TSPAN11: variants seen among roughly 807,000 people sequenced by gnomAD.
TSPAN11 encodes the protein tetraspanin-11.
In TSPAN11, 29 loss-of-function variants were observed where a neutral mutation model predicts 32.9. The ratio of observed to expected loss-of-function variants is 0.88; its 90% confidence interval spans 0.66 to 1.20. TSPAN11 has a LOEUF of 1.20. TSPAN11 is among the 50% of genes most tolerant of loss of function. The probability of loss-of-function intolerance (pLI) is 0.00; values close to 1 mark genes in which losing one functional copy is unlikely to be tolerated. For missense variants in TSPAN11, 283 were observed against 329.1 expected (o/e 0.86, Z 1.08); for synonymous variants, 140 against 141.3 (o/e 0.99, Z 0.07).
chr12:30,927,585 T>C (rs1937827984), intron 1 of TSPAN11, among the ~76,000 whole-genome samples: 1 of 135,576 alleles, frequency 7.4e-6, no homozygotes, highest in Non-Finnish European at 1.6e-5. Context: ...GAGGTGAGCG[T>C]GGGGGTGGGG....
At chr12:30,945,730 A>G (rs1938252626) in intron 1 of TSPAN11, among the ~76,000 whole-genome samples, 2 of 152,060 alleles carry the variant, frequency 1.3e-5, no homozygotes, top group Admixed American at 1.3e-4. Context: ...CTCACAGCCC[A>G]TGACATTACA....
rs1939112568 is a variant in TSPAN11 at position 30,982,540 on chromosome 12, CTGT to C, written c.466_468del (p.Cys156del). 6.2e-7 allele frequency: 1 copy of C among 1,607,504 alleles called. No homozygotes were observed. Among genetic ancestry groups the C allele is most frequent in the Non-Finnish European group, 8.5e-7 (1 of 1,175,266 alleles). ...TCTGCCTCTGCCTCCAGTTCAAGTGCTGTGGAAGCAACAGCTCAGCCGACTGGC... is the reference window on the plus strand; with the variant it reads ...TCTGCCTCTGCCTCCAGTTCAAGTGCGGAAGCAACAGCTCAGCCGACTGGC... On this transcript the variant is annotated inframe_deletion, in exon 6 of 8. Transcript: ENST00000546076.
At chr12:30,978,672 T>C in intron 4 of TSPAN11, 37 bp downstream of exon 4, 1 of 1,606,512 alleles carries the variant, frequency 6.2e-7, no homozygotes, top group Non-Finnish European at 8.5e-7. Flanking sequence ...CCTCTGTCAG[T>C]GTCCTGAAGA....
At chr12:30,944,996 C>G (rs746145661) in intron 1 of TSPAN11, among the ~76,000 whole-genome samples, 2 of 152,160 alleles carry the variant, frequency 1.3e-5, no homozygotes, top group Non-Finnish European at 2.9e-5. Context: ...CCAGACTGTT[C>G]CAGGCCCTAA....
At chr12:31,004,146 G>A in the TSPAN11 span, among the ~76,000 whole-genome samples, 7 of 152,320 alleles carry the variant, frequency 4.6e-5, no homozygotes, top group East Asian at 1.3e-3. Flanking sequence ...ATCCTGGCTA[G>A]TGGATAACCT....
chr12:30,987,479 C>T (rs1477788049), intron 7 of TSPAN11, among the ~76,000 whole-genome samples: 5 of 152,092 alleles, frequency 3.3e-5, no homozygotes, highest in Admixed American at 6.6e-5. Context: ...TGGAGGCGCG[C>T]GCCTGTAATC....
At chr12:30,981,202 G>A (rs1425215946) in intron 5 of TSPAN11, among the ~76,000 whole-genome samples, 1 of 152,182 alleles carries the variant, frequency 6.6e-6, no homozygotes, top group Non-Finnish European at 1.5e-5. Context: ...TAGAACCCCA[G>A]GCCACATCTC....
intron 3 of TSPAN11, among the ~76,000 whole-genome samples, chr12:30,974,049 T>A (rs1473431572): frequency 1.3e-5 from 2 of 152,248 alleles, no homozygotes; most frequent in East Asian, 3.8e-4. Flanking sequence ...TGAAGCAATA[T>A]AGGCTTCCCT....
the TSPAN11 span, among the ~76,000 whole-genome samples, chr12:31,010,242 C>CGG: frequency 6.6e-6 from 1 of 152,164 alleles, no homozygotes; most frequent in Non-Finnish European, 1.5e-5. Flanking sequence ...TCAGGGACCC[C>CGG]GGGGTCAAAT....
At chr12:30,962,541 A>G (rs527515858) in intron 2 of TSPAN11, among the ~76,000 whole-genome samples, 2 of 152,318 alleles carry the variant, frequency 1.3e-5, no homozygotes, top group African/African-American at 4.8e-5. Flanking sequence ...TGGTAAATAC[A>G]TGTTCGTTTG....
At chr12:30,963,182 C>G (rs1938647852) in intron 2 of TSPAN11, among the ~76,000 whole-genome samples, 1 of 152,190 alleles carries the variant, frequency 6.6e-6, no homozygotes, top group Non-Finnish European at 1.5e-5. Context: ...ACTCTTCAAT[C>G]ATGGAGGCAG....
Position 30,934,184 on chromosome 12 carries a change from G to T in TSPAN11, c.-12+7388G>T, listed in dbSNP as rs1203178064. On this transcript the variant is annotated intron_variant, in intron 1 of 7. Coordinates refer to ENST00000546076, the MANE Select transcript of TSPAN11 (RefSeq NM_001370302.1). ...GGGTGGGCCAGGCCCAGGTGGACAG[G>T]GGTGACCGGGAAGACCCACTTCAGA... 5.3e-5 allele frequency among the ~76,000 whole-genome samples: 8 copies of T among 152,222 alleles called. No individual in the cohort carries two copies. The East Asian group carries it at 1.5e-3, about 29-fold the overall frequency.
chr12:30,983,277 CTCT>C (rs1248342376), intron 7 of TSPAN11, 127 bp downstream of exon 7: 13 of 852,836 alleles, frequency 1.5e-5, no homozygotes, highest in African/African-American at 3.4e-5. Flanking sequence ...CTACCCTGCT[CTCT>C]TCTTCTCTCC....
At chr12:30,945,761 C>T (rs1451977645) in intron 1 of TSPAN11, among the ~76,000 whole-genome samples, 2 of 152,118 alleles carry the variant, frequency 1.3e-5, no homozygotes, top group African/African-American at 2.4e-5. Flanking sequence ...TGAAGAAAGT[C>T]GCCAAAATCC....
In TSPAN11 at chr12:30,975,865, A is replaced by T. The variant is rs1938959448; in HGVS notation, c.277-2696A>T. ...GGGCACTCCATCACCTCTTCCTCCC[A>T]TGCCCCAGAGGTCTCTGGGAGCCAC... On this transcript the variant is annotated intron_variant, in intron 3 of 7. Coordinates refer to ENST00000546076, the MANE Select transcript of TSPAN11 (RefSeq NM_001370302.1). This position sits in a 1 kb window ranked among gnomAD's most constrained non-coding sequence, Gnocchi z 4.5. Among the ~76,000 whole-genome samples, 1 of 152,130 alleles carries T rather than the reference A, an allele frequency of 6.6e-6. No homozygotes were observed. The highest frequency in any genetic ancestry group is 1.5e-5 in the Non-Finnish European group (1 of 68,014).
At chr12:31,012,924 T>C in the TSPAN11 span, among the ~76,000 whole-genome samples, 1 of 152,224 alleles carries the variant, frequency 6.6e-6, no homozygotes, top group Admixed American at 6.5e-5. Flanking sequence ...CATCTTAACA[T>C]GAATTTCTTG....
Position 30,975,950 on chromosome 12 carries a change from G to A in TSPAN11, c.277-2611G>A, listed in dbSNP as rs1416379414. On this transcript the variant is annotated intron_variant, in intron 3 of 7. Transcript: ENST00000546076. This position sits in a 1 kb window ranked among gnomAD's most constrained non-coding sequence, Gnocchi z 4.5. ...GGGATCCGGCCTCAGCACCGTAGCTGAGGATGGTGGAGGGAAGTTTGGAGC... is the reference window on the plus strand; with the variant it reads ...GGGATCCGGCCTCAGCACCGTAGCTAAGGATGGTGGAGGGAAGTTTGGAGC... 6.6e-6 allele frequency among the ~76,000 whole-genome samples: 1 copy of A among 152,220 alleles called. No homozygotes were observed. The highest frequency in any genetic ancestry group is 2.4e-5 in the African/African-American group (1 of 41,456).
Position 30,974,121 on chromosome 12 carries a change from C to T in TSPAN11, c.277-4440C>T, listed in dbSNP as rs539697642. On this transcript the variant is annotated intron_variant, in intron 3 of 7. Transcript: ENST00000546076. ...GCAGAGGTGCCCTCCCAGGCAGGTA[C>T]AGTGCTGCACATGCTTCTGTCCATG... Among the ~76,000 whole-genome samples the T allele has an allele frequency of 6.1e-4, 93 of 152,382 alleles. 1 individual carries two copies. Among genetic ancestry groups the T allele is most frequent in the African/African-American group, 2.2e-3 (91 of 41,590 alleles).
chr12:30,964,691 C>A (rs1938691817), intron 3 of TSPAN11, among the ~76,000 whole-genome samples: 1 of 152,058 alleles, frequency 6.6e-6, no homozygotes. Flanking sequence ...ACTTAAGGAC[C>A]CTCTTCTAGA....
Sources: allele counts gnomAD v4.1 joint callset (sites outside exome capture counted in the v4.1 genomes callset), GRCh38; gene constraint gnomAD v4.1.1; non-coding constraint Gnocchi (gnomAD v3.1); transcripts MANE v1.5; gene names NCBI Gene and HGNC (gene_info 2026-07-23, HGNC 2026-07-21).